LIPA: variants seen among roughly 807,000 people sequenced by gnomAD.
The protein encoded by LIPA is lipase A, lysosomal acid type, also known as lysosomal acid lipase/cholesteryl ester hydrolase.
In LIPA, 26 loss-of-function variants were observed where a neutral mutation model predicts 40.6. The observed-to-expected ratio is 0.64, with a 90% CI of 0.47 to 0.89. The LOEUF is 0.89. Among genes scored for constraint, LIPA ranks in the 40% least tolerant of loss-of-function variants. The pLI is 0.00. For missense variants in LIPA, 455 were observed against 479.6 expected, an observed-to-expected ratio of 0.95 and a Z score of 0.48; for synonymous variants, 188 against 168.4, an observed-to-expected ratio of 1.12 and a Z score of -0.90.
At chr10:89,406,863 C>T (rs530792405) in intron 2 of LIPA, among the ~76,000 whole-genome samples, 7 of 152,290 alleles carry the variant, frequency 4.6e-5, no homozygotes, top group African/African-American at 9.6e-5. Context: ...AAGGGACTAT[C>T]GCCTATCACC....
intron 2 of LIPA, among the ~76,000 whole-genome samples, chr10:89,356,003 G>T (rs1423930529): frequency 6.6e-6 from 1 of 152,192 alleles, no homozygotes; most frequent in Non-Finnish European, 1.5e-5. Context: ...CAGTTGAAAA[G>T]CCCATGCTGC....
chr10:89,402,369 A>G (rs1238440790), intron 2 of LIPA: 2 of 1,614,180 alleles, frequency 1.2e-6, no homozygotes, highest in South Asian at 2.2e-5. Context: ...TGACGATGAA[A>G]TGCCTGATTT....
At chr10:89,412,863 G>A (rs1436761353) in exon 2 of LIPA, 2 of 326,354 alleles carry the variant, frequency 6.1e-6, no homozygotes, top group Non-Finnish European at 1.2e-5. Context: ...TTTAACAACT[G>A]TAGCACTCAC....
At chr10:89,272,855 G>C (rs1787644726) in intron 1 of LIPA, among the ~76,000 whole-genome samples, 2 of 152,196 alleles carry the variant, frequency 1.3e-5, no homozygotes, top group Admixed American at 6.5e-5. Context: ...CAGTAATGTT[G>C]AGCTTTTTTC....
intron 2 of LIPA, among the ~76,000 whole-genome samples, chr10:89,372,965 A>C (rs970310436): frequency 6.6e-5 from 10 of 152,180 alleles, no homozygotes; most frequent in Non-Finnish European, 2.9e-5. Flanking sequence ...TGCTTCCTAC[A>C]ATTTATATAG....
intron 2 of LIPA, among the ~76,000 whole-genome samples, chr10:89,376,632 A>T (rs567337012): frequency 6.6e-6 from 1 of 152,370 alleles, no homozygotes; most frequent in South Asian, 2.1e-4. Flanking sequence ...ATCAGGTCTG[A>T]GTGCAGACAA....
intron 2 of LIPA, among the ~76,000 whole-genome samples, chr10:89,358,040 A>G (rs989822314): frequency 1.3e-5 from 2 of 152,196 alleles, no homozygotes; most frequent in Non-Finnish European, 2.9e-5. Flanking sequence ...TAACTGAGAA[A>G]AAAAAAGAGG....
At chr10:89,275,100 ATTTCCTCGTG>A (rs1843283256) in intron 1 of LIPA, among the ~76,000 whole-genome samples, 1 of 152,176 alleles carries the variant, frequency 6.6e-6, no homozygotes, top group African/African-American at 2.4e-5. Context: ...GTTTCCCAGA[ATTTCCTCGTG>A]TTTTCAGTCA....
intron 1 of LIPA, chr10:89,339,353 C>G (rs773668666): frequency 1.9e-6 from 3 of 1,613,618 alleles, no homozygotes. Flanking sequence ...GTTGAAGAAG[C>G]CTTGGAAAAG....
At chr10:89,307,387 G>C (rs1384226976) in intron 1 of LIPA, 2 of 1,578,576 alleles carry the variant, frequency 1.3e-6, no homozygotes, top group African/African-American at 1.4e-5. Context: ...GAATAGAGAT[G>C]TGGTGCCCAC....
chr10:89,220,664 G>A (rs551372188), intron 8 of LIPA, among the ~76,000 whole-genome samples: 17 of 152,276 alleles, frequency 1.1e-4, no homozygotes, highest in African/African-American at 3.9e-4. Context: ...TTAACTCTCA[G>A]CCTTCTAGTT....
At chr10:89,281,358 G>A (rs34370132) in intron 1 of LIPA, among the ~76,000 whole-genome samples, 48,200 of 151,918 alleles carry the variant, frequency 0.32, 8,459 homozygotes, top group Non-Finnish European at 0.4. Flanking sequence ...TCCTTCATCC[G>A]GCCTGTTGAC....
intron 2 of LIPA, among the ~76,000 whole-genome samples, chr10:89,380,931 A>G (rs767228349): frequency 5.9e-5 from 9 of 152,234 alleles, no homozygotes; most frequent in Non-Finnish European, 1.2e-4. Flanking sequence ...AGAAAGAGCA[A>G]TAATTCTCTT....
chr10:89,283,903 T>C (rs1843327958), intron 1 of LIPA: 1 of 152,254 alleles, frequency 6.6e-6, no homozygotes, highest in African/African-American at 2.4e-5. Context: ...TAAAGGATTT[T>C]TTCTTGCATT....
chr10:89,254,271 C>T (rs1473055168), upstream of LIPA, among the ~76,000 whole-genome samples: 2 of 152,272 alleles, frequency 1.3e-5, no homozygotes, highest in Non-Finnish European at 2.9e-5. Flanking sequence ...TCCACACATC[C>T]TCTGAAATAC....
chr10:89,384,273 A>C (rs754268694), intron 2 of LIPA: 7 of 1,614,206 alleles, frequency 4.3e-6, no homozygotes, highest in Non-Finnish European at 5.1e-6. Flanking sequence ...CTGTGGACAG[A>C]TTGGTTCAAT....
chr10:89,306,384 G>A (rs1355098740), intron 1 of LIPA: 2 of 1,614,038 alleles, frequency 1.2e-6, no homozygotes, highest in African/African-American at 1.3e-5. Context: ...TGTGAGGAAG[G>A]GTGGACACGG....
At chr10:89,224,954 G>A in intron 6 of LIPA, 138 bp downstream of exon 6, 2 of 1,155,928 alleles carry the variant, frequency 1.7e-6, no homozygotes, top group Non-Finnish European at 2.6e-6. Flanking sequence ...AGGGGTAAAC[G>A]GAAAAAGAAA....
intron 2 of LIPA, chr10:89,383,613 C>G (rs1242804154): frequency 6.2e-7 from 1 of 1,614,110 alleles, no homozygotes; most frequent in African/African-American, 1.3e-5. Flanking sequence ...CCTGGGGCAA[C>G]TTTGCCTGGG....
Sources: allele counts gnomAD v4.1 joint callset (sites outside exome capture counted in the v4.1 genomes callset), GRCh38; gene constraint gnomAD v4.1.1; transcripts MANE v1.5; gene names NCBI Gene and HGNC (gene_info 2026-07-23, HGNC 2026-07-21).